The following HP1BP3 variants were observed in gnomAD, a reference collection of about 807,000 sequenced individuals.
HP1BP3 encodes the protein heterochromatin protein 1-binding protein 3.
In HP1BP3, 12 loss-of-function variants were observed where a neutral mutation model predicts 62.5. The observed-to-expected ratio is 0.19, with a 90% confidence interval of 0.12 to 0.31. The LOEUF (loss-of-function observed/expected upper bound fraction) is 0.31. HP1BP3 is among the 10% of genes least tolerant of loss of function. The pLI is 1.00. For missense variants in HP1BP3, 502 were observed against 651.8 expected, an observed-to-expected ratio of 0.77 and a Z score of 2.50; for synonymous variants, 260 against 237.8, an observed-to-expected ratio of 1.09 and a Z score of -0.86.
intron 9 of HP1BP3, among the ~76,000 whole-genome samples, 198 bp downstream of exon 9, chr1:20,756,968 C>T (rs933601932): frequency 6.6e-6 from 1 of 152,174 alleles, no homozygotes; most frequent in Non-Finnish European, 1.5e-5. Context: ...CCTTAGCCTC[C>T]CAAAGTGCTG....
chr1:20,778,535 G>A (rs373940417), intron 3 of HP1BP3, among the ~76,000 whole-genome samples: 20 of 152,318 alleles, frequency 1.3e-4, no homozygotes, highest in East Asian at 7.7e-4. Flanking sequence ...CATGGATTAA[G>A]ATGGACCACC....
chr1:20,767,461 G>T, intron 7 of HP1BP3, 123 bp downstream of exon 7: 1 of 755,374 alleles, frequency 1.3e-6, no homozygotes. Flanking sequence ...AACTTCCCTA[G>T]GCCTTAGCAG....
At chr1:20,751,779 T>C (rs964893191) in intron 9 of HP1BP3, among the ~76,000 whole-genome samples, 2 of 149,430 alleles carry the variant, frequency 1.3e-5, no homozygotes, top group African/African-American at 2.5e-5. Context: ...GAAAATTACA[T>C]AGCATACTTT....
intron 4 of HP1BP3, 37 bp downstream of exon 4, chr1:20,776,560 C>G (rs1230536606): frequency 2.6e-6 from 4 of 1,567,982 alleles, no homozygotes; most frequent in Non-Finnish European, 2.6e-6. Flanking sequence ...TTTACACATT[C>G]TTCAAATATA....
At chr1:20,747,379 T>G (rs1440193407) in intron 11 of HP1BP3, among the ~76,000 whole-genome samples, 165 bp downstream of exon 11, 1 of 152,124 alleles carries the variant, frequency 6.6e-6, no homozygotes, top group African/African-American at 2.4e-5. Flanking sequence ...GCTGAGTACA[T>G]GCGCATTTGG....
intron 5 of HP1BP3, among the ~76,000 whole-genome samples, chr1:20,771,342 C>T (rs1570644411): frequency 6.6e-6 from 1 of 152,130 alleles, no homozygotes. Flanking sequence ...AACCTCTTTC[C>T]ATTTTAATTC....
chr1:20,746,644 G>A (rs1323540550), intron 11 of HP1BP3, among the ~76,000 whole-genome samples: 1 of 152,162 alleles, frequency 6.6e-6, no homozygotes, highest in African/African-American at 2.4e-5. Context: ...GTATTTGCAA[G>A]AAACAAATTT....
chr1:20,782,994 C>G (rs2057642323), intron 1 of HP1BP3, among the ~76,000 whole-genome samples: 1 of 148,208 alleles, frequency 6.7e-6, no homozygotes, highest in South Asian at 2.1e-4. Context: ...TGCCCGTAGT[C>G]CCAGCTACTT....
At chr1:20,771,361 AT>A (rs1034692808) in intron 5 of HP1BP3, among the ~76,000 whole-genome samples, 10 of 152,208 alleles carry the variant, frequency 6.6e-5, no homozygotes, top group African/African-American at 2.2e-4. Flanking sequence ...TCCATTCTGT[AT>A]TTAGAAGATG....
At chr1:20,759,367 C>A (rs147282286) in intron 8 of HP1BP3, among the ~76,000 whole-genome samples, 2 of 152,322 alleles carry the variant, frequency 1.3e-5, no homozygotes, top group African/African-American at 4.8e-5. Context: ...CGTGCCATTG[C>A]ACTCCAGCCT....
intron 4 of HP1BP3, chr1:20,776,011 A>T: frequency 1.3e-6 from 1 of 764,682 alleles, no homozygotes; most frequent in Non-Finnish European, 1.7e-6. Flanking sequence ...CTCTCCTGCA[A>T]AAAAAAAAAA....
intron 6 of HP1BP3, among the ~76,000 whole-genome samples, chr1:20,768,035 G>A (rs1205621574): frequency 6.6e-6 from 1 of 151,910 alleles, no homozygotes. Flanking sequence ...AGGGAAATAA[G>A]AAAAGCCCTC....
In HP1BP3 at chr1:20,773,547, G is replaced by T; in HGVS notation, c.414C>A (p.Thr138=). The T allele has an allele frequency of 6.2e-7, 1 of 1,611,744 alleles. No homozygotes were observed. Among genetic ancestry groups the T allele is most frequent in the Non-Finnish European group, 8.5e-7 (1 of 1,178,586 alleles). The part of the protein sequence containing the change: ...KVKKTIPSWA[T]LSASQLARAQ... ...CCCTGGCTAGCTGGCTGGCAGAAAG[G>T]GTAGCCCAGGAAGGAATTGTTTTTT... The change falls in exon 5 of 13, where the codon ACC becomes ACA. Residue 138 remains threonine, a synonymous_variant. Transcript: ENST00000438032.
intron 8 of HP1BP3, 130 bp downstream of exon 8, chr1:20,765,247 A>G (rs1192370977): frequency 4.3e-5 from 23 of 537,616 alleles, no homozygotes; most frequent in Non-Finnish European, 6.3e-5. Context: ...AAAAAATAAA[A>G]CCAATAAAAA....
intron 9 of HP1BP3, among the ~76,000 whole-genome samples, chr1:20,750,803 A>C (rs898033318): frequency 6.9e-6 from 1 of 145,390 alleles, no homozygotes; most frequent in African/African-American, 2.6e-5. Flanking sequence ...TGAACAATAA[A>C]TATATTTTCT....
intron 3 of HP1BP3, 141 bp downstream of exon 3, chr1:20,779,671 A>T: frequency 1.9e-6 from 1 of 528,074 alleles, no homozygotes; most frequent in Non-Finnish European, 3.3e-6. Flanking sequence ...ACCAATAGCT[A>T]CTGATTCTCT....
At chr1:20,776,774 T>C in intron 3 of HP1BP3, 24 bp from the exon 4 acceptor site, 9 of 1,600,980 alleles carry the variant, frequency 5.6e-6, no homozygotes, top group Non-Finnish European at 6.0e-6. Context: ...TGAGCAGAAT[T>C]GCATAAGCAG....
intron 8 of HP1BP3, 24 bp from the exon 9 acceptor site, chr1:20,757,280 A>T: frequency 7.1e-7 from 1 of 1,411,012 alleles, no homozygotes; most frequent in Non-Finnish European, 9.9e-7. Context: ...CAAAAAAAAA[A>T]TAGTGATAAA....
At chr1:20,770,168 G>A (rs1020311531) in intron 6 of HP1BP3, among the ~76,000 whole-genome samples, 7 of 152,140 alleles carry the variant, frequency 4.6e-5, no homozygotes, top group East Asian at 3.9e-4. Flanking sequence ...CATTTCACTC[G>A]GGTTTCTCTG....
Sources: gnomAD v4.1 joint callset for allele counts (sites outside exome capture counted in the v4.1 genomes callset) on GRCh38, gnomAD v4.1.1 for gene constraint, MANE v1.5 for transcripts, NCBI Gene and HGNC (gene_info 2026-07-23, HGNC 2026-07-21) for gene names.